The following ZPR1 variants were observed in gnomAD, a reference collection of about 807,000 sequenced individuals.
ZPR1 encodes ZPR1 zinc finger.
A neutral mutation model predicts 59.6 loss-of-function variants in ZPR1; 37 were observed. That is an observed-to-expected ratio of 0.62 (90% CI 0.48 to 0.82). The LOEUF (loss-of-function observed/expected upper bound fraction) is 0.82, where lower values mean the gene tolerates loss of function less well. Ranked by LOEUF, ZPR1 falls within the 40% of genes least tolerant of loss-of-function variation. The probability of loss-of-function intolerance (pLI) is 0.00; values close to 1 mark genes in which losing one functional copy is unlikely to be tolerated. For missense variants in ZPR1, 527 were observed against 579.9 expected (o/e 0.91, Z 0.94); for synonymous variants, 191 against 215.2 (o/e 0.89, Z 0.99).
rs775787201 is a variant in ZPR1, at chr11:116,774,989, G to C, written c.*3936C>G. ...GACAAGGCCCAAGTGTCTCCACCCT[G>C]TGCTGCAGGGCAGTTAAGCAGGATC... is the stretch of plus-strand genomic sequence containing the variant. On this transcript the variant is annotated 3_prime_UTR_variant, in exon 14 of 14. Coordinates refer to ENST00000227322, the MANE Select transcript of ZPR1 (RefSeq NM_003904.5). 3 of 152,382 alleles carry C rather than the reference G, an allele frequency of 2.0e-5. No homozygotes were observed. Among genetic ancestry groups the C allele is most frequent in the Non-Finnish European group, 2.9e-5 (2 of 68,154 alleles). The allele number at this position is 152,382 out of a possible 1,614,324, so 9.4% of individuals were successfully genotyped here.
At chr11:116,780,048 A>G (rs1221772681) in intron 12 of ZPR1, among the ~76,000 whole-genome samples, 3 of 151,300 alleles carry the variant, frequency 2.0e-5, no homozygotes, top group Non-Finnish European at 4.4e-5. Flanking sequence ...TATAATAAAT[A>G]TATATATAAA....
rs773265443 is a variant in ZPR1, at chr11:116,786,516, G to C, written c.490C>G (p.Arg164Gly). ...ISGLEQDQPA[R>G]RANKDATAER... is the part of the protein sequence containing the mutation. Reference sequence around the variant, plus strand: ...ATCAGAAAACCCCAGCTTACCCTTCGTGCAGGCTGGTCCTGCTCCAGGCCA... The same window carrying C: ...ATCAGAAAACCCCAGCTTACCCTTCCTGCAGGCTGGTCCTGCTCCAGGCCA... The change falls in exon 4 of 14, where the codon CGA becomes GGA. Residue 164 changes from arginine (R) to glycine (G), a missense_variant. By Grantham distance (125) the Arg-to-Gly change is moderately radical. Coordinates refer to ENST00000227322, the MANE Select transcript of ZPR1 (RefSeq NM_003904.5). 1.9e-6 allele frequency: 3 copies of C among 1,614,020 alleles called. No homozygotes were observed. Among genetic ancestry groups the C allele is most frequent in the South Asian group, 1.1e-5 (1 of 91,092 alleles).
Position 116,787,806 on chromosome 11 carries a change from C to A in ZPR1, c.171+14G>T. 3.2e-6 allele frequency: 5 copies of A among 1,546,288 alleles called. No individual in the cohort carries two copies. Among genetic ancestry groups the A allele is most frequent in the Non-Finnish European group, 4.4e-6 (5 of 1,146,028 alleles). On this transcript the variant is annotated intron_variant, in intron 1 of 13. Transcript: ENST00000227322. ...CCTACCCACCCGCCGCTCGCGGCCG[C>A]GCCCCCGCCTCACATTGCAGTAACA...
chr11:116,786,808 TA>T (rs2134198538), intron 3 of ZPR1, among the ~76,000 whole-genome samples, 160 bp downstream of exon 3: 1 of 152,360 alleles, frequency 6.6e-6, no homozygotes, highest in East Asian at 1.9e-4. Context: ...CGAGCTGTTT[TA>T]CCTAAGCTTT....
Position 116,778,263 on chromosome 11 carries a change from CCTCTGTT to C in ZPR1, c.*655_*661del, listed in dbSNP as rs1225969554. On this transcript the variant is annotated 3_prime_UTR_variant, in exon 14 of 14. Coordinates refer to ENST00000227322, the MANE Select transcript of ZPR1 (RefSeq NM_003904.5). ...GTTCCATGAAAGAGATTTATTTTGTCCTCTGTTCTGTGGTGTGCTTGGCATAAAGTAG... is the reference window on the plus strand; with the variant it reads ...GTTCCATGAAAGAGATTTATTTTGTCCTGTGGTGTGCTTGGCATAAAGTAG... 5 of 152,346 alleles carry C rather than the reference CCTCTGTT, an allele frequency of 3.3e-5. No homozygotes were observed. In the East Asian group the frequency reaches 9.6e-4, roughly 29 times the overall value. 9.4% of individuals were successfully genotyped at this position (152,346 alleles called of 1,614,324 possible). A position where few individuals can be genotyped will look rare whatever the true frequency, so the allele number is the denominator to read the frequency against.
In ZPR1 at chr11:116,787,582, A is replaced by C. The variant is rs769951760; in HGVS notation, c.233T>G (p.Phe78Cys). 1.7e-5 allele frequency: 28 copies of C among 1,614,102 alleles called. No homozygotes were observed. The highest frequency in any genetic ancestry group is 2.2e-5 in the Non-Finnish European group (26 of 1,180,032). The change falls in exon 2 of 14, where the codon TTT (phenylalanine) becomes TGT (cysteine). Residue 78 changes from phenylalanine (F) to cysteine (C), a missense_variant. Phe to Cys is a radical substitution (Grantham distance 205). Transcript: ENST00000227322. ...GTTCCAGCCACAGTGCTCGCAGGAA[A>C]AGGAGCTCACTATTATTTCTCTGAA... ...PFFREIIVSS[F>C]SCEHCGWNNT...
In ZPR1 at chr11:116,777,283, T is replaced by C. The variant is rs1940735514; in HGVS notation, c.*1642A>G. Reference sequence around the variant, plus strand: ...TAACACTTTCCAAGTGGAAAATCACTTGTGACCTTTGAGAGTAGTTTAACA... The same window carrying C: ...TAACACTTTCCAAGTGGAAAATCACCTGTGACCTTTGAGAGTAGTTTAACA... On this transcript the variant is annotated 3_prime_UTR_variant, in exon 14 of 14. Coordinates refer to ENST00000227322, the MANE Select transcript of ZPR1 (RefSeq NM_003904.5). 1 of 152,250 alleles carries C rather than the reference T, an allele frequency of 6.6e-6. No homozygotes were observed. The highest frequency in any genetic ancestry group is 2.4e-5 in the African/African-American group (1 of 41,466). 9.4% of individuals were successfully genotyped at this position (152,250 alleles called of 1,614,324 possible).
chr11:116,787,669 A>C (rs374161115), intron 1 of ZPR1, 26 bp from the exon 2 acceptor site: 1 of 1,597,986 alleles, frequency 6.3e-7, no homozygotes, highest in Non-Finnish European at 8.6e-7. Flanking sequence ...GTAGCTAAGG[A>C]AAAAAATCAA....
At position 116,774,000 on chromosome 11, in the gene ZPR1, G is replaced by A. The variant is rs1312105638; in HGVS notation, c.*4925C>T. The A allele has an allele frequency of 6.6e-6, 1 of 152,154 alleles. No individual in the cohort carries two copies. Among genetic ancestry groups the A allele is most frequent in the African/African-American group, 2.4e-5 (1 of 41,434 alleles). The allele number at this position is 152,154 out of a possible 1,614,324, so 9.4% of individuals were successfully genotyped here. A position where few individuals can be genotyped will look rare whatever the true frequency, so the allele number is the denominator to read the frequency against. On this transcript the variant is annotated 3_prime_UTR_variant, in exon 14 of 14. Transcript: ENST00000227322. ...AGGGAGTAGAGGCTAGCGAAGTGGG[G>A]TGCAAGAGGTCATCCAAATTTCTTG...
At chr11:116,782,073 C>A in intron 12 of ZPR1, 85 bp downstream of exon 12, 2 of 982,990 alleles carry the variant, frequency 2.0e-6, no homozygotes, top group South Asian at 2.9e-5. Context: ...GTTAGATGTT[C>A]AAAAAGTGGC....
At chr11:116,785,222 G>A (rs1460036468) in intron 6 of ZPR1, 76 bp from the exon 7 acceptor site, 26 of 1,531,180 alleles carry the variant, frequency 1.7e-5, no homozygotes, top group Non-Finnish European at 1.9e-5. Flanking sequence ...TGGAGTGGGA[G>A]AAATGCTCAG....
chr11:116,784,985 T>C (rs561926624), intron 7 of ZPR1, 64 bp from the exon 8 acceptor site: 26 of 1,606,768 alleles, frequency 1.6e-5, no homozygotes, highest in Admixed American at 1.2e-4. Context: ...CTAAAGACAC[T>C]CAGTTGGTAT....
In ZPR1 at chr11:116,775,456, CAAAAAAAAAA is replaced by C. The variant is rs556748837; in HGVS notation, c.*3459_*3468del. On this transcript the variant is annotated 3_prime_UTR_variant, in exon 14 of 14. Transcript: ENST00000227322. ...CTGGGTGACAGAGCAAGACTGTCTC[CAAAAAAAAAA>C]AAAAAAAAAAAATTAGCCAGGCATG... The C allele has an allele frequency of 1.5e-5, 1 of 66,798 alleles. No individual in the cohort carries two copies. The highest frequency in any genetic ancestry group is 3.3e-5 in the Non-Finnish European group (1 of 29,922). The allele number at this position is 66,798 out of a possible 1,614,324, so 4.1% of individuals were successfully genotyped here.
rs1940699546 is a variant in ZPR1, at chr11:116,774,724, G to A, written c.*4201C>T. ...CTGAGAAGATAGGGCTTCACTAGGC[G>A]GAGGGCCCCAGGGTACCCCATACAC... On this transcript the variant is annotated 3_prime_UTR_variant, in exon 14 of 14. Coordinates refer to ENST00000227322, the MANE Select transcript of ZPR1 (RefSeq NM_003904.5). 1 of 152,258 alleles carries A rather than the reference G, an allele frequency of 6.6e-6. No individual in the cohort carries two copies. Among genetic ancestry groups the A allele is most frequent in the Non-Finnish European group, 1.5e-5 (1 of 68,134 alleles). The allele number at this position is 152,258 out of a possible 1,614,324, so 9.4% of individuals were successfully genotyped here.
At chr11:116,783,750 A>G in intron 9 of ZPR1, 131 bp from the exon 10 acceptor site, 1 of 694,800 alleles carries the variant, frequency 1.4e-6, no homozygotes, top group South Asian at 1.8e-5. Context: ...AGAGCCTTCT[A>G]AACAGCAGTC....
chr11:116,780,273 G>C (rs1565320240), intron 12 of ZPR1, among the ~76,000 whole-genome samples: 1 of 149,762 alleles, frequency 6.7e-6, no homozygotes, highest in Non-Finnish European at 1.5e-5. Flanking sequence ...GGGGGTGCTG[G>C]CCCAGTTGAA....
chr11:116,782,051 C>T (rs1940814908), intron 12 of ZPR1, 107 bp downstream of exon 12: 2 of 765,374 alleles, frequency 2.6e-6, no homozygotes, highest in Non-Finnish European at 4.2e-6. Context: ...AAGAAGAATC[C>T]CCAACATGAT....
chr11:116,784,487 C>A, intron 8 of ZPR1, 39 bp from the exon 9 acceptor site: 1 of 1,586,358 alleles, frequency 6.3e-7, no homozygotes, highest in Non-Finnish European at 8.7e-7. Flanking sequence ...TCCAGGCGAA[C>A]AAGACCACCA....
Position 116,778,989 on chromosome 11 carries a change from T to C in ZPR1, c.1316A>G (p.Glu439Gly). Residue 439 changes from glutamate to glycine, a missense_variant, in exon 14 of 14, where the codon GAG becomes GGG. By Grantham distance (98) the Glu-to-Gly change is moderately conservative. Transcript: ENST00000227322. ...ERYKRTFDQN[E>G]ELGLNDMKTE... ...CTTCATGTCATTGAGCCCTAGCTCC[T>C]CATTTTGGTCAAAGGTGCGCTTGTA... 1.2e-6 allele frequency: 2 copies of C among 1,614,210 alleles called. No homozygotes were observed. The highest frequency in any genetic ancestry group is 1.7e-6 in the Non-Finnish European group (2 of 1,180,030).
Sources: gnomAD v4.1 joint callset for allele counts (sites outside exome capture counted in the v4.1 genomes callset) on GRCh38, gnomAD v4.1.1 for gene constraint, MANE v1.5 for transcripts, NCBI Gene and HGNC (gene_info 2026-07-23, HGNC 2026-07-21) for gene names.